Variants in BRI3 observed in about 807,000 individuals in gnomAD.
BRI3 encodes the protein membrane protein BRI3.
Under a neutral mutation model 12.8 loss-of-function variants are expected in BRI3, and 6 were observed. The observed-to-expected ratio is 0.47, with a 90% CI of 0.26 to 0.93. The LOEUF (loss-of-function observed/expected upper bound fraction) is 0.93, where lower values mean the gene tolerates loss of function less well. Among genes scored for constraint, BRI3 ranks in the 40% least tolerant of loss-of-function variants. The probability of loss-of-function intolerance (pLI) is 0.15; values close to 1 mark genes in which losing one functional copy is unlikely to be tolerated. For synonymous variants in BRI3, 91 were observed against 76.1 expected (o/e 1.20, Z -1.02); for missense variants, 134 against 171.1 (o/e 0.78, Z 1.21).
intron 2 of BRI3, among the ~76,000 whole-genome samples, chr7:98,285,145 G>A (rs1799668692): frequency 6.6e-6 from 1 of 152,188 alleles, no homozygotes; most frequent in African/African-American, 2.4e-5. Context: ...AGGAAATCCT[G>A]GAAAGGATTT....
At chr7:98,297,467 T>G (rs927466670), downstream of BRI3, among the ~76,000 whole-genome samples, 1 of 152,160 alleles carries the variant, frequency 6.6e-6, no homozygotes, top group African/African-American at 2.4e-5. Context: ...ACAGGGCCAG[T>G]GCAGGTGGCC....
At chr7:98,308,393 C>T in exon 2 of BRI3, 1 of 418,644 alleles carries the variant, frequency 2.4e-6, no homozygotes, top group South Asian at 1.7e-5. Flanking sequence ...CTAAGAAGGA[C>T]AAGGTGAGGA....
At chr7:98,301,468 T>C (rs1800417261) in intron 1 of BRI3, among the ~76,000 whole-genome samples, 1 of 128,330 alleles carries the variant, frequency 7.8e-6, no homozygotes, top group African/African-American at 2.7e-5. Flanking sequence ...CTAGCTTTTT[T>C]TTTTTGGTAT....
chr7:98,317,083 C>A, the BRI3 span: 1 of 1,098,288 alleles, frequency 9.1e-7, no homozygotes, highest in Non-Finnish European at 1.3e-6. Flanking sequence ...GAACTCCTGA[C>A]CTCATATGAT....
In BRI3 at chr7:98,291,239, C is replaced by T; in HGVS notation, c.374C>T (p.Ala125Val). 6.2e-7 allele frequency: 1 copy of T among 1,613,052 alleles called. No homozygotes were observed. Among genetic ancestry groups the T allele is most frequent in the South Asian group, 1.1e-5 (1 of 91,036 alleles). ...RRCPNCGATF[A>V] ...TGCCCCAACTGTGGAGCCACCTTCG[C>T]TTAAAGGGAACACCAGGCCCGGCTT... The change falls in exon 3 of 3, where the codon GCT (alanine) becomes GTT (valine). Residue 125 changes from alanine to valine, a missense_variant. Ala to Val is a moderately conservative substitution (Grantham distance 64). Transcript: ENST00000297290.
chr7:98,323,315 G>C, the BRI3 span: 11 of 151,958 alleles, frequency 7.2e-5, no homozygotes, highest in Non-Finnish European at 1.5e-4. Context: ...TTCCTCATTG[G>C]GGATGAAATA....
intron 1 of BRI3, chr7:98,306,961 C>G: frequency 6.0e-6 from 1 of 166,200 alleles, no homozygotes; most frequent in South Asian, 1.5e-4. Context: ...TACATCTGAA[C>G]AATCTGTCTA....
chr7:98,284,362 C>T (rs1799637530), intron 2 of BRI3, among the ~76,000 whole-genome samples: 3 of 152,234 alleles, frequency 2.0e-5, no homozygotes, highest in Admixed American at 2.0e-4. Flanking sequence ...TTTGCCTCTG[C>T]AGCTGCATTG....
At chr7:98,291,063 C>CT (rs772940616) in intron 2 of BRI3, 48 bp from the exon 3 acceptor site, 1 of 1,608,820 alleles carries the variant, frequency 6.2e-7, no homozygotes, top group Non-Finnish European at 8.5e-7. Flanking sequence ...AGGGTTCTGG[C>CT]TGCCCGGGTC....
At chr7:98,297,364 C>T (rs1361235680), downstream of BRI3, among the ~76,000 whole-genome samples, 1 of 152,288 alleles carries the variant, frequency 6.6e-6, no homozygotes, top group East Asian at 1.9e-4. Context: ...TCAGAGGGGT[C>T]CCGGGCAGCT....
At chr7:98,305,075 G>A (rs527379837), upstream of BRI3, among the ~76,000 whole-genome samples, 544 of 98,272 alleles carry the variant, frequency 5.5e-3, 1 homozygote, top group Middle Eastern at 0.019. Flanking sequence ...TTTTTTAGTA[G>A]AGACGGGGTT....
At chr7:98,287,242 T>C (rs1198340588) in intron 2 of BRI3, among the ~76,000 whole-genome samples, 2 of 152,116 alleles carry the variant, frequency 1.3e-5, no homozygotes, top group Non-Finnish European at 2.9e-5. Flanking sequence ...ACCCTCTCTT[T>C]AAGCGGTGTG....
chr7:98,298,319 A>G (rs1412994701), intron 1 of BRI3, among the ~76,000 whole-genome samples: 1 of 150,916 alleles, frequency 6.6e-6, no homozygotes, highest in East Asian at 2.0e-4. Context: ...AATGCTTTTA[A>G]AAAACATTAG....
downstream of BRI3, among the ~76,000 whole-genome samples, chr7:98,296,300 C>T (rs1800189491): frequency 6.6e-6 from 1 of 152,202 alleles, no homozygotes; most frequent in African/African-American, 2.4e-5. Context: ...GCTTTTCTGT[C>T]TGTGGTATTC....
chr7:98,311,867 C>T (rs1357371798), downstream of BRI3, among the ~76,000 whole-genome samples: 4 of 152,168 alleles, frequency 2.6e-5, no homozygotes, highest in African/African-American at 9.7e-5. Context: ...GATCACTCCA[C>T]TGTACTCCAG....
At chr7:98,303,186 A>C (rs534467925), upstream of BRI3, among the ~76,000 whole-genome samples, 1 of 152,308 alleles carries the variant, frequency 6.6e-6, no homozygotes, top group Admixed American at 6.5e-5. Context: ...CAGACTCCTC[A>C]AGGCTCACGC....
chr7:98,286,373 C>G (rs10226454), intron 2 of BRI3, among the ~76,000 whole-genome samples: 4 of 152,148 alleles, frequency 2.6e-5, no homozygotes, highest in Admixed American at 2.6e-4. Flanking sequence ...GGACTGGAGT[C>G]GCCTTAAGGG....
chr7:98,296,917 C>T (rs1158874769), downstream of BRI3, among the ~76,000 whole-genome samples: 3 of 152,332 alleles, frequency 2.0e-5, no homozygotes, highest in Non-Finnish European at 4.4e-5. Context: ...CACACTCAGC[C>T]CACTGTGGTG....
At chr7:98,285,120 G>A (rs1188722076) in intron 2 of BRI3, among the ~76,000 whole-genome samples, 1 of 152,090 alleles carries the variant, frequency 6.6e-6, no homozygotes, top group Non-Finnish European at 1.5e-5. Context: ...TAGTTTTGGG[G>A]GTGACCAGAG....
Sources: allele counts gnomAD v4.1 joint callset (sites outside exome capture counted in the v4.1 genomes callset), GRCh38; gene constraint gnomAD v4.1.1; transcripts MANE v1.5; gene names NCBI Gene and HGNC (gene_info 2026-07-23, HGNC 2026-07-21).